Variants in TMEM237 observed in about 807,000 individuals in gnomAD.
TMEM237 encodes the protein amyotrophic lateral sclerosis 2 (juvenile) chromosome region, candidate 4.
A neutral mutation model predicts 59.1 loss-of-function variants in TMEM237; 51 were observed. That is an observed-to-expected ratio of 0.86 (90% CI 0.69 to 1.09). The LOEUF (loss-of-function observed/expected upper bound fraction) is 1.09, where lower values mean the gene tolerates loss of function less well. TMEM237 is among the 50% of genes least tolerant of loss of function. The pLI, the probability that TMEM237 is intolerant of heterozygous loss-of-function variation, is 0.00. For missense variants in TMEM237, 475 were observed against 478.3 expected, an observed-to-expected ratio of 0.99 and a Z score of 0.06; for synonymous variants, 140 against 166.1, an observed-to-expected ratio of 0.84 and a Z score of 1.21.
rs1173465509 is a variant in TMEM237 at position 201,635,744 on chromosome 2, A to T, written c.274+1004T>A. 6.7e-6 allele frequency among the ~76,000 whole-genome samples: 1 copy of T among 148,730 alleles called. No homozygotes were observed. The highest frequency in any genetic ancestry group is 1.5e-5 in the Non-Finnish European group (1 of 67,310). ...ACCATTGCACTCCAGCCTGGGCTAT[A>T]AGAGTGAAACTCCATCTTAAAAAAA... On this transcript the variant is annotated intron_variant, in intron 5 of 12. Transcript: ENST00000409883. This position sits in a 1 kb window ranked among gnomAD's most constrained non-coding sequence, Gnocchi z 4.5.
At chr2:201,631,874 A>T (rs1957810914) in intron 7 of TMEM237, among the ~76,000 whole-genome samples, 177 bp downstream of exon 7, 1 of 152,150 alleles carries the variant, frequency 6.6e-6, no homozygotes, top group African/African-American at 2.4e-5. Context: ...CTCCTATTTC[A>T]CATTTAGGTT....
intron 2 of TMEM237, among the ~76,000 whole-genome samples, chr2:201,640,622 T>TA (rs553219152): frequency 4.6e-4 from 67 of 146,616 alleles, no homozygotes; most frequent in Admixed American, 1.7e-3. Context: ...AATTCTGATT[T>TA]AAAAAAAAAA....
In TMEM237 at chr2:201,632,139, A is replaced by G; in HGVS notation, c.465T>C (p.Asp155=). 1 of 1,613,952 alleles carries G rather than the reference A, an allele frequency of 6.2e-7. No individual in the cohort carries two copies. The highest frequency in any genetic ancestry group is 8.5e-7 in the Non-Finnish European group (1 of 1,179,858). ...ACTGCTGTTCCACAGTAGTTTGCTC[A>G]TCAGTGATTATGTCTTCATCTTCTA... ...LGVEDEDIIT[D]EQTTVEQQSV... Residue 155 remains aspartate, a synonymous_variant, in exon 7 of 13, where the codon GAT becomes GAC. Transcript: ENST00000409883.
chr2:201,642,974 G>C, intron 1 of TMEM237: 4 of 1,302,608 alleles, frequency 3.1e-6, no homozygotes, highest in Non-Finnish European at 2.9e-6. Context: ...CTTAATTAAA[G>C]GACTCCGCAG....
intron 7 of TMEM237, chr2:201,631,347 T>C (rs773314460): frequency 6.6e-6 from 1 of 152,210 alleles, no homozygotes; most frequent in Admixed American, 6.5e-5. Context: ...TAAATGTCCG[T>C]GGTTTAAGCC....
chr2:201,643,283 C>A lies in TMEM237; in HGVS notation c.42+76G>T. 2 of 1,378,870 alleles carry A rather than the reference C, an allele frequency of 1.5e-6. No homozygotes were observed. Among genetic ancestry groups the A allele is most frequent in the Admixed American group, 2.0e-5 (1 of 48,862 alleles). 85.4% of individuals were successfully genotyped at this position (1,378,870 alleles called of 1,614,324 possible). A position where few individuals can be genotyped will look rare whatever the true frequency, so the allele number is the denominator to read the frequency against. ...TTCCCAGCTCGTTGGCGCCCCCCCA[C>A]ACACACCCACCCCCACTGCCAAGTG... On this transcript the variant is annotated intron_variant, in intron 1 of 12. Transcript: ENST00000409883. This position sits in a 1 kb window ranked among gnomAD's most constrained non-coding sequence, Gnocchi z 4.3.
In TMEM237 at chr2:201,643,030, G is replaced by T; in HGVS notation, c.42+329C>A. On this transcript the variant is annotated intron_variant, in intron 1 of 12. Transcript: ENST00000409883. The surrounding 1 kb of genome is among the most constrained non-coding windows in gnomAD (Gnocchi z 4.3). ...CAGCTACAGACCTCTCCTCGGAGGA[G>T]TCTAGGAGAGGCCTGGCTGGAAGCC... 2 of 1,282,660 alleles carry T rather than the reference G, an allele frequency of 1.6e-6. No homozygotes were observed. Among genetic ancestry groups the T allele is most frequent in the South Asian group, 3.8e-5 (2 of 52,082 alleles). The allele number at this position is 1,282,660 out of a possible 1,614,324, so 79.5% of individuals were successfully genotyped here.
chr2:201,633,543 G>T, intron 5 of TMEM237, 112 bp from the exon 6 acceptor site: 1 of 781,356 alleles, frequency 1.3e-6, no homozygotes, highest in Non-Finnish European at 1.8e-6. Flanking sequence ...GGGCAAAAAT[G>T]TTTTCACTAT....
chr2:201,629,747 G>C lies in TMEM237; in HGVS notation c.659C>G (p.Thr220Arg), dbSNP rs1957792453. ...PSWTTRDVAL[T>R]VHRAFRMIGL... ...CAGCCACCTGAAAGCCCGGTGCACT[G>C]TAAGTGCCACATCTCTGGTGGTCCA... The change falls in exon 8 of 13, where the codon ACA becomes AGA. Residue 220 changes from threonine (T) to arginine (R), a missense_variant. Physicochemically the swap from Thr to Arg is moderately conservative, Grantham distance 71 (BLOSUM62 -1). Transcript: ENST00000409883. 3 of 1,612,114 alleles carry C rather than the reference G, an allele frequency of 1.9e-6. No individual in the cohort carries two copies. The highest frequency in any genetic ancestry group is 2.2e-5 in the South Asian group (2 of 90,516).
chr2:201,624,435 T>C (rs1275308673), intron 12 of TMEM237, 113 bp from the exon 13 acceptor site: 2 of 584,214 alleles, frequency 3.4e-6, no homozygotes, highest in East Asian at 3.1e-5. Flanking sequence ...TATATACTAA[T>C]AGAAAGCCCT....
Position 201,628,071 on chromosome 2 carries a change from C to T in TMEM237, c.943+5G>A, listed in dbSNP as rs779322966. The T allele has an allele frequency of 5.0e-6, 8 of 1,603,396 alleles. No homozygotes were observed. The highest frequency in any genetic ancestry group is 1.7e-5 in the Admixed American group (1 of 59,082). On this transcript the variant is annotated splice_donor_5th_base_variant and intron_variant, in intron 10 of 12. Coordinates refer to ENST00000409883, the MANE Select transcript of TMEM237 (RefSeq NM_001044385.3). Reference sequence around the variant, plus strand: ...CACAGTTATCATGTTAAACTGCTTACTCACAGAAAGATGCTAAAGCTGTAG... The same window carrying T: ...CACAGTTATCATGTTAAACTGCTTATTCACAGAAAGATGCTAAAGCTGTAG...
chr2:201,624,928 T>C (rs1957743965), intron 12 of TMEM237, among the ~76,000 whole-genome samples: 1 of 152,210 alleles, frequency 6.6e-6, no homozygotes, highest in South Asian at 2.1e-4. Flanking sequence ...AGAATGTTAT[T>C]AGCTGACATT....
At chr2:201,627,112 A>C (rs545202595) in intron 11 of TMEM237, among the ~76,000 whole-genome samples, 1 of 152,314 alleles carries the variant, frequency 6.6e-6, no homozygotes, top group East Asian at 1.9e-4. Context: ...TGAAGATCTA[A>C]AACAGATTTT....
rs1390584556 is a variant in TMEM237 at position 201,636,685 on chromosome 2, G to A, written c.274+63C>T. On this transcript the variant is annotated intron_variant, in intron 5 of 12. Transcript: ENST00000409883. ...GGGGGAAAGAAATGAAAGCAGAGAG[G>A]TTTTTATCATGTCATCAAAATCACA... 2.0e-6 allele frequency: 3 copies of A among 1,524,826 alleles called. No individual in the cohort carries two copies. The African/African-American group carries it at 4.2e-5, about 21-fold the overall frequency. 94.5% of individuals were successfully genotyped at this position (1,524,826 alleles called of 1,614,324 possible).
In TMEM237 at chr2:201,627,374, C is replaced by A; in HGVS notation, c.984G>T (p.Met328Ile). 6.2e-7 allele frequency: 1 copy of A among 1,607,494 alleles called. No individual in the cohort carries two copies. Among genetic ancestry groups the A allele is most frequent in the South Asian group, 1.1e-5 (1 of 89,118 alleles). ...TGTAAAGGTGGATTCTGTCACTTGT[C>A]ATTTGCTGACTCAGAGATAGTATAA... The part of the protein sequence containing the change: ...TALILSLSQQ[M>I]TSDRIHLYTP... Residue 328 changes from methionine (M) to isoleucine (I), a missense_variant, in exon 11 of 13, where the codon ATG (methionine) becomes ATT (isoleucine). Coordinates refer to ENST00000409883, the MANE Select transcript of TMEM237 (RefSeq NM_001044385.3).
At position 201,624,176 on chromosome 2, in the gene TMEM237, T is replaced by C; in HGVS notation, c.*79A>G. Reference sequence around the variant, plus strand: ...AAAAAATCTATTACAAATACACATGTATACATCTTATAAAAATACATTTAA... The same window carrying C: ...AAAAAATCTATTACAAATACACATGCATACATCTTATAAAAATACATTTAA... On this transcript the variant is annotated 3_prime_UTR_variant, in exon 13 of 13. Transcript: ENST00000409883. 9.8e-7 allele frequency: 1 copy of C among 1,021,130 alleles called. No homozygotes were observed. The highest frequency in any genetic ancestry group is 1.5e-6 in the Non-Finnish European group (1 of 662,132). 63.3% of individuals were successfully genotyped at this position (1,021,130 alleles called of 1,614,324 possible).
chr2:201,626,534 G>GAAAA (rs751155005), intron 11 of TMEM237, among the ~76,000 whole-genome samples: 4 of 96,026 alleles, frequency 4.2e-5, no homozygotes, highest in African/African-American at 7.7e-5. Context: ...AGCATTTGGG[G>GAAAA]AAAAAAAAAA....
In TMEM237 at chr2:201,643,273, C is replaced by G; in HGVS notation, c.42+86G>C. The G allele has an allele frequency of 8.2e-7, 1 of 1,223,728 alleles. No individual in the cohort carries two copies. Among genetic ancestry groups the G allele is most frequent in the Non-Finnish European group, 1.2e-6 (1 of 861,392 alleles). 75.8% of individuals were successfully genotyped at this position (1,223,728 alleles called of 1,614,324 possible). ...CCCTTAGTGATTCCCAGCTCGTTGGCGCCCCCCCACACACACCCACCCCCA... is the reference window on the plus strand; with the variant it reads ...CCCTTAGTGATTCCCAGCTCGTTGGGGCCCCCCCACACACACCCACCCCCA... On this transcript the variant is annotated intron_variant, in intron 1 of 12. Coordinates refer to ENST00000409883, the MANE Select transcript of TMEM237 (RefSeq NM_001044385.3). This position sits in a 1 kb window ranked among gnomAD's most constrained non-coding sequence, Gnocchi z 4.3.
chr2:201,625,204 T>C (rs957222713), intron 12 of TMEM237, among the ~76,000 whole-genome samples: 21 of 151,730 alleles, frequency 1.4e-4, no homozygotes, highest in African/African-American at 5.1e-4. Flanking sequence ...CTATTAAAAA[T>C]ACAAAAAATT....
Sources: allele counts gnomAD v4.1 joint callset (sites outside exome capture counted in the v4.1 genomes callset), GRCh38; gene constraint gnomAD v4.1.1; non-coding constraint Gnocchi (gnomAD v3.1); transcripts MANE v1.5; gene names NCBI Gene and HGNC (gene_info 2026-07-23, HGNC 2026-07-21).